Variants in SAV1 observed in about 807,000 individuals in gnomAD.
SAV1 encodes the protein protein salvador homolog 1.
In SAV1, 23 loss-of-function variants were observed where a neutral mutation model predicts 47.3. The observed-to-expected ratio is 0.49, with a 90% CI of 0.35 to 0.69. SAV1 has a LOEUF of 0.69. Among genes scored for constraint, SAV1 ranks in the 30% least tolerant of loss-of-function variants. SAV1 has a pLI of 0.01. For missense variants in SAV1, 448 were observed against 457.4 expected, an observed-to-expected ratio of 0.98 and a Z score of 0.19; for synonymous variants, 155 against 159.2, an observed-to-expected ratio of 0.97 and a Z score of 0.20.
At chr14:50,641,023 G>T in intron 3 of SAV1, 130 bp from the exon 4 acceptor site, 2 of 684,686 alleles carry the variant, frequency 2.9e-6, no homozygotes, top group East Asian at 3.2e-5. Flanking sequence ...CCACCTGAAA[G>T]GTAATGTATT....
rs748596799 is a variant in SAV1, at chr14:50,647,749, C to T, written c.536-2735G>A. On this transcript the variant is annotated intron_variant, in intron 2 of 4. Transcript: ENST00000324679. Reference sequence around the variant, plus strand: ...AAAACCATAATGAAATGACAATACACGTCTATGAAAATGGCCAAAAAACCA... The same window carrying T: ...AAAACCATAATGAAATGACAATACATGTCTATGAAAATGGCCAAAAAACCA... 2.0e-5 allele frequency among the ~76,000 whole-genome samples: 3 copies of T among 152,186 alleles called. No homozygotes were observed. In the East Asian group the frequency reaches 5.8e-4, roughly 29 times the overall value.
chr14:50,661,555 T>C (rs1208991348), intron 2 of SAV1, among the ~76,000 whole-genome samples: 2 of 152,206 alleles, frequency 1.3e-5, no homozygotes, highest in African/African-American at 2.4e-5. Context: ...CATTTTCTTC[T>C]AGTACTTTTA....
intron 1 of SAV1, chr14:50,667,467 A>AGTC (rs2039912177): frequency 2.2e-6 from 1 of 457,344 alleles, no homozygotes; most frequent in Non-Finnish European, 4.4e-6. Flanking sequence ...AGACACCCGC[A>AGTC]ATGTTTGCAA....
At chr14:50,650,015 C>T (rs2039754166) in intron 2 of SAV1, among the ~76,000 whole-genome samples, 1 of 152,040 alleles carries the variant, frequency 6.6e-6, no homozygotes, top group Non-Finnish European at 1.5e-5. Context: ...ATCAAGTTTA[C>T]CTTTAAAGAA....
chr14:50,643,411 GGAGA>G (rs1555366754), intron 3 of SAV1, among the ~76,000 whole-genome samples: 1 of 152,112 alleles, frequency 6.6e-6, no homozygotes, highest in South Asian at 2.1e-4. Flanking sequence ...CGTGGTGGCA[GGAGA>G]GAGAAAGAAG....
intron 1 of SAV1, 144 bp downstream of exon 1, chr14:50,667,730 C>A: frequency 1.6e-6 from 1 of 644,024 alleles, no homozygotes; most frequent in Non-Finnish European, 2.7e-6. Context: ...AATACCACTT[C>A]AGACACAAGA....
intron 2 of SAV1, among the ~76,000 whole-genome samples, chr14:50,659,349 C>T (rs1595650521): frequency 6.6e-6 from 1 of 151,918 alleles, no homozygotes; most frequent in Admixed American, 6.6e-5. Flanking sequence ...CTGCTGAAGC[C>T]TCCCTCATAA....
At chr14:50,638,149 T>C (rs2039651783) in intron 4 of SAV1, among the ~76,000 whole-genome samples, 1 of 152,226 alleles carries the variant, frequency 6.6e-6, no homozygotes, top group East Asian at 1.9e-4. Flanking sequence ...TTCCAAATTC[T>C]TTCCTCTGTT....
At chr14:50,657,024 CTTTT>C (rs3080610) in intron 2 of SAV1, among the ~76,000 whole-genome samples, 4 of 122,222 alleles carry the variant, frequency 3.3e-5, no homozygotes, top group African/African-American at 3.1e-5. Flanking sequence ...AAAACACTCA[CTTTT>C]TTTTTTTTTT....
rs540327311 is a variant in SAV1 at position 50,650,322 on chromosome 14, T to C, written c.536-5308A>G. Reference sequence around the variant, plus strand: ...ATTACACGCACAGAACAGAGTACTATATTATATAGCTGTAAACATGAATGA... The same window carrying C: ...ATTACACGCACAGAACAGAGTACTACATTATATAGCTGTAAACATGAATGA... On this transcript the variant is annotated intron_variant, in intron 2 of 4. Coordinates refer to ENST00000324679, the MANE Select transcript of SAV1 (RefSeq NM_021818.4). Among the ~76,000 whole-genome samples the C allele has an allele frequency of 2.6e-5, 4 of 152,346 alleles. No individual in the cohort carries two copies. In the South Asian group the frequency reaches 8.3e-4, roughly 32 times the overall value.
chr14:50,656,568 G>C (rs1226845065), intron 2 of SAV1, among the ~76,000 whole-genome samples: 1 of 150,888 alleles, frequency 6.6e-6, no homozygotes, highest in Admixed American at 6.6e-5. Flanking sequence ...TCAGCCTCCT[G>C]AGTAGCTGGG....
chr14:50,642,472 A>G (rs2140250153), intron 3 of SAV1, among the ~76,000 whole-genome samples: 1 of 151,626 alleles, frequency 6.6e-6, no homozygotes, highest in South Asian at 2.1e-4. Flanking sequence ...CTTGGCAACA[A>G]AAGTGAAACT....
intron 3 of SAV1, among the ~76,000 whole-genome samples, 184 bp downstream of exon 3, chr14:50,644,560 T>A (rs1251337822): frequency 9.8e-6 from 1 of 101,850 alleles, no homozygotes; most frequent in Non-Finnish European, 2.0e-5. Context: ...GAGAAAAGTA[T>A]TTTTTTAACT....
Position 50,634,799 on chromosome 14 carries a change from A to C in SAV1, c.*384T>G, listed in dbSNP as rs1284689719. On this transcript the variant is annotated 3_prime_UTR_variant, in exon 5 of 5. Coordinates refer to ENST00000324679, the MANE Select transcript of SAV1 (RefSeq NM_021818.4). ...AGACAATATTTCACACTACAGCGGT[A>C]AACTTTTTTTTTAAAAAAATACCGC... is the stretch of plus-strand genomic sequence containing the variant. The C allele has an allele frequency of 1.1e-5, 2 of 176,760 alleles. No individual in the cohort carries two copies. The highest frequency in any genetic ancestry group is 4.8e-5 in the African/African-American group (2 of 41,522). The allele number at this position is 176,760 out of a possible 1,614,324, so 10.9% of individuals were successfully genotyped here.
chr14:50,648,727 G>A (rs984962410), intron 2 of SAV1, among the ~76,000 whole-genome samples: 1 of 151,866 alleles, frequency 6.6e-6, no homozygotes, highest in South Asian at 2.1e-4. Flanking sequence ...GCAGTGAGCC[G>A]AGATTGCGCC....
Position 50,635,243 on chromosome 14 carries a change from C to A in SAV1, c.1092G>T (p.Glu364Asp). Reference sequence around the variant, plus strand: ...GCTGTCTCTGCTTTCGGTTTTCCAACTCTGTAAGAAGGGCTTGTCTGTATG... The same window carrying A: ...GCTGTCTCTGCTTTCGGTTTTCCAAATCTGTAAGAAGGGCTTGTCTGTATG... ...YEAYRQALLTELENRKQRQQW... is the reference protein window; with the variant it reads ...YEAYRQALLTDLENRKQRQQW... The change falls in exon 5 of 5, where the codon GAG (glutamate) becomes GAT (aspartate). Residue 364 changes from glutamate (E) to aspartate (D), a missense_variant. Physicochemically the swap from Glu to Asp is conservative, Grantham distance 45. Transcript: ENST00000324679. The A allele has an allele frequency of 1.2e-6, 2 of 1,614,150 alleles. No individual in the cohort carries two copies. The highest frequency in any genetic ancestry group is 1.7e-6 in the Non-Finnish European group (2 of 1,180,028).
rs371174385 is a variant in SAV1, at chr14:50,668,018, C to T, written c.-51G>A. On this transcript the variant is annotated 5_prime_UTR_variant, in exon 1 of 5. Transcript: ENST00000324679. ...GCTGAACTGCCTCCCTAGGGCTCCG[C>T]GCCGGGCGCCGGCCGTCTCCGCCGC... is the stretch of plus-strand genomic sequence containing the variant. 6.2e-5 allele frequency: 86 copies of T among 1,387,510 alleles called. No individual in the cohort carries two copies. The African/African-American group carries it at 1.0e-3, about 17-fold the overall frequency. The allele number at this position is 1,387,510 out of a possible 1,614,324, so 85.9% of individuals were successfully genotyped here. A position where few individuals can be genotyped will look rare whatever the true frequency, so the allele number is the denominator to read the frequency against.
chr14:50,644,282 A>C (rs913649519), intron 3 of SAV1, among the ~76,000 whole-genome samples: 2 of 152,228 alleles, frequency 1.3e-5, no homozygotes, highest in Admixed American at 6.5e-5. Flanking sequence ...TGTTTTGTTC[A>C]GTCCCAATTT....
intron 2 of SAV1, among the ~76,000 whole-genome samples, chr14:50,658,709 T>C (rs1433747454): frequency 2.0e-5 from 3 of 152,254 alleles, no homozygotes; most frequent in African/African-American, 7.2e-5. Flanking sequence ...AATAGATCTA[T>C]CGCACAAACC....
Sources: allele counts gnomAD v4.1 joint callset (sites outside exome capture counted in the v4.1 genomes callset), GRCh38; gene constraint gnomAD v4.1.1; transcripts MANE v1.5; gene names NCBI Gene and HGNC (gene_info 2026-07-23, HGNC 2026-07-21).